The following FANCM variants were observed in gnomAD, a reference collection of about 807,000 sequenced individuals.
The protein encoded by FANCM is Fanconi anemia group M protein.
In FANCM, 140 loss-of-function variants were observed where a neutral mutation model predicts 199.5. The ratio of observed to expected loss-of-function variants is 0.70; its 90% confidence interval spans 0.61 to 0.81. The LOEUF is 0.81. FANCM is among the 30% of genes least tolerant of loss of function. FANCM has a pLI of 0.00. For missense variants in FANCM, 2,410 were observed against 2,421.4 expected (o/e 1.00, Z 0.10); for synonymous variants, 840 against 836.8 (o/e 1.00, Z -0.07).
chr14:45,169,952 T>G (rs575084860), intron 11 of FANCM, among the ~76,000 whole-genome samples: 133 of 152,264 alleles, frequency 8.7e-4, no homozygotes, highest in African/African-American at 3.1e-3. Context: ...CTTTTAAAAG[T>G]CTTGGCCTTT....
In FANCM at chr14:45,167,129, GC is replaced by G; in HGVS notation, c.1969del (p.Gln657SerfsTer13). On this transcript the variant is annotated frameshift_variant, in exon 11 of 23. Transcript: ENST00000267430. LOFTEE classifies it high-confidence loss of function. ...AACCAGAGAAGCCTTCTCGGAACTT[GC>G]AGCGAAAGTCATCTATCTTTTCCTA... Reference protein sequence around the residue: ...YEPEKPSRNLQRKSSIFSYRD... With the variant: ...YEPEKPSRNLXRKSSIFSYRD... 1 of 1,613,164 alleles carries G rather than the reference GC, an allele frequency of 6.2e-7. No homozygotes were observed.
At position 45,190,151 on chromosome 14, in the gene FANCM, T is replaced by A. The variant is rs113059739; in HGVS notation, c.5340+789T>A. ...TGCTAAGTAGTCCAGTTTTACTTTC[T>A]CCTATTGTGCTATTTCTAGAAGAAT... On this transcript the variant is annotated intron_variant, in intron 20 of 22. Coordinates refer to ENST00000267430, the MANE Select transcript of FANCM (RefSeq NM_020937.4). Among the ~76,000 whole-genome samples the A allele has an allele frequency of 9.0e-3, 1,369 of 152,276 alleles. 12 individuals carry two copies. Among genetic ancestry groups the A allele is most frequent in the Non-Finnish European group, 0.015 (1,033 of 68,018 alleles).
At chr14:45,142,175 T>C (rs948191897) in intron 3 of FANCM, among the ~76,000 whole-genome samples, 3 of 152,170 alleles carry the variant, frequency 2.0e-5, no homozygotes, top group African/African-American at 7.2e-5. Flanking sequence ...CAGTAACTAA[T>C]CTGCAGATCT....
Position 45,167,082 on chromosome 14 carries a change from T to G in FANCM, c.1921T>G (p.Phe641Val). ...DGINPKLHKM[F>V]ITHGVYEPEK... The stretch of plus-strand genomic sequence containing the variant: ...AATCAACCCAAAATTACACAAAATG[T>G]TCATCACACATGGTGTCTATGAACC... Residue 641 changes from phenylalanine (F) to valine (V), a missense_variant, in exon 11 of 23, where the codon TTC (phenylalanine) becomes GTC (valine). Coordinates refer to ENST00000267430, the MANE Select transcript of FANCM (RefSeq NM_020937.4). 6.2e-7 allele frequency: 1 copy of G among 1,613,758 alleles called. No homozygotes were observed. The highest frequency in any genetic ancestry group is 8.5e-7 in the Non-Finnish European group (1 of 1,179,710).
Position 45,136,541 on chromosome 14 carries a change from T to C in FANCM, c.508+2T>C. 6.2e-7 allele frequency: 1 copy of C among 1,613,012 alleles called. No individual in the cohort carries two copies. The highest frequency in any genetic ancestry group is 8.5e-7 in the Non-Finnish European group (1 of 1,179,906). On this transcript the variant is annotated splice_donor_variant, in intron 1 of 22. Coordinates refer to ENST00000267430, the MANE Select transcript of FANCM (RefSeq NM_020937.4). LOFTEE classifies it high-confidence loss of function. ...AATCCCACATGGCCGAAATGACAGG[T>C]ATCTTAGACTGGACTAATTTTGAAG...
At chr14:45,164,634 A>C in intron 10 of FANCM, 69 bp downstream of exon 10, 12 of 1,196,346 alleles carry the variant, frequency 1.0e-5, no homozygotes, top group Non-Finnish European at 1.5e-5. Flanking sequence ...GGTGAATATC[A>C]ACATGTTAGC....
At position 45,153,966 on chromosome 14, in the gene FANCM, GT is replaced by G; in HGVS notation, c.1100del (p.Leu367TyrfsTer13). On this transcript the variant is annotated frameshift_variant, in exon 6 of 23. Coordinates refer to ENST00000267430, the MANE Select transcript of FANCM (RefSeq NM_020937.4). LOFTEE classifies it high-confidence loss of function. Reference protein sequence around the residue: ...IIEGEFAICISLYHGYELLQQ... With the variant: ...IIEGEFAICIXLYHGYELLQQ... ...GAGGGAGAGTTTGCTATTTGTATTA[GT>G]TTATATCATGGTTATGAATTATTGC... The G allele has an allele frequency of 6.2e-7, 1 of 1,602,702 alleles. No homozygotes were observed. The highest frequency in any genetic ancestry group is 8.5e-7 in the Non-Finnish European group (1 of 1,169,710).
rs369301619 is a variant in FANCM at position 45,167,564 on chromosome 14, A to C, written c.2002+401A>C. 1.2e-4 allele frequency: 21 copies of C among 178,594 alleles called. 1 individual carries two copies. In the East Asian group the frequency reaches 2.7e-3, roughly 23 times the overall value. The allele number at this position is 178,594 out of a possible 1,614,324, so 11.1% of individuals were successfully genotyped here. On this transcript the variant is annotated intron_variant, in intron 11 of 22. Coordinates refer to ENST00000267430, the MANE Select transcript of FANCM (RefSeq NM_020937.4). ...CAAGCACTTAGAATCCTTTACATAC[A>C]TGTTGTCAATATTAATAGTAACTTG... is the stretch of plus-strand genomic sequence containing the variant.
intron 16 of FANCM, among the ~76,000 whole-genome samples, chr14:45,182,947 C>G (rs1889161327): frequency 6.6e-6 from 1 of 152,114 alleles, no homozygotes; most frequent in Non-Finnish European, 1.5e-5. Flanking sequence ...ATTAATAATA[C>G]TGTACTGAAA....
rs746039296 is a variant in FANCM, at chr14:45,198,680, A to G, written c.5753A>G (p.Tyr1918Cys). The G allele has an allele frequency of 7.4e-6, 12 of 1,613,526 alleles. No homozygotes were observed. In the African/African-American group the frequency reaches 9.3e-5, roughly 13 times the overall value. Residue 1918 changes from tyrosine (Y) to cysteine (C), a missense_variant, in exon 22 of 23, where the codon TAT (tyrosine) becomes TGT (cysteine). Coordinates refer to ENST00000267430, the MANE Select transcript of FANCM (RefSeq NM_020937.4). ...AGGATGTTTAGGAGAACAAAGAGCTATGACAGCCTGCTGACTACCTTAATT... is the reference window on the plus strand; with the variant it reads ...AGGATGTTTAGGAGAACAAAGAGCTGTGACAGCCTGCTGACTACCTTAATT... ...TSRMFRRTKS[Y>C]DSLLTTLIGA... is the part of the protein sequence containing the mutation.
intron 20 of FANCM, among the ~76,000 whole-genome samples, chr14:45,192,053 A>G (rs1889798990): frequency 6.6e-6 from 1 of 151,956 alleles, no homozygotes; most frequent in Non-Finnish European, 1.5e-5. Flanking sequence ...TAAAAATTAA[A>G]TATTAAATAT....
At chr14:45,150,902 A>G (rs901335170) in intron 4 of FANCM, among the ~76,000 whole-genome samples, 4 of 152,226 alleles carry the variant, frequency 2.6e-5, no homozygotes, top group African/African-American at 9.6e-5. Flanking sequence ...TGCCTGTTAC[A>G]TAGTAGATGG....
intron 12 of FANCM, among the ~76,000 whole-genome samples, chr14:45,171,344 A>G (rs964517323): frequency 1.3e-5 from 2 of 151,668 alleles, no homozygotes; most frequent in East Asian, 1.9e-4. Flanking sequence ...TTAAATTTCA[A>G]TAGTTTTTGA....
At position 45,136,136 on chromosome 14, in the gene FANCM, T is replaced by G; in HGVS notation, c.105T>G (p.Pro35=). Residue 35 remains proline (P), a synonymous_variant, in exon 1 of 23, where the codon CCT becomes CCG. Transcript: ENST00000267430. Reference sequence around the variant, plus strand: ...CCGGAACTGAGCGACCTCAGAGCCCTGGCAGCTCCAAGGCGCCTTTGCCAG... The same window carrying G: ...CCGGAACTGAGCGACCTCAGAGCCCGGGCAGCTCCAAGGCGCCTTTGCCAG... ...CSSGTERPQS[P]GSSKAPLPAA... 1 of 1,614,200 alleles carries G rather than the reference T, an allele frequency of 6.2e-7. No homozygotes were observed. The highest frequency in any genetic ancestry group is 8.5e-7 in the Non-Finnish European group (1 of 1,180,036).
chr14:45,136,590 A>G, intron 1 of FANCM, 51 bp downstream of exon 1: 1 of 1,564,536 alleles, frequency 6.4e-7, no homozygotes, highest in Non-Finnish European at 8.8e-7. Flanking sequence ...TTCCTGACCC[A>G]TGTGGAATAG....
chr14:45,183,734 T>G (rs1260004151), intron 16 of FANCM, 40 bp from the exon 17 acceptor site: 5 of 1,486,756 alleles, frequency 3.4e-6, no homozygotes, highest in Non-Finnish European at 4.7e-6. Context: ...AGGAAGAAAA[T>G]ATTTTTTTCT....
At position 45,175,891 on chromosome 14, in the gene FANCM, A is replaced by G. The variant is rs910679351; in HGVS notation, c.3137A>G (p.Gln1046Arg). Residue 1046 changes from glutamine to arginine, a missense_variant, in exon 14 of 23, where the codon CAA becomes CGA. Physicochemically the swap from Gln to Arg is conservative, Grantham distance 43 (BLOSUM62 1). Transcript: ENST00000267430. ...CTGTCACATTCAGCTGTGAATTCTC[A>G]ACAGAATTTAGAATTGAATTCACTT... Reference protein sequence around the residue: ...CLLSHSAVNSQQNLELNSLKC... With the variant: ...CLLSHSAVNSRQNLELNSLKC... 3 of 1,613,538 alleles carry G rather than the reference A, an allele frequency of 1.9e-6. No individual in the cohort carries two copies. The African/African-American group carries it at 4.0e-5, about 22-fold the overall frequency.
At chr14:45,196,114 G>A (rs1484328924) in intron 20 of FANCM, 58 bp from the exon 21 acceptor site, 16 of 1,589,826 alleles carry the variant, frequency 1.0e-5, no homozygotes, top group South Asian at 1.0e-4. Context: ...GGTGTGAGAC[G>A]TTTATGGCAT....
chr14:45,136,747 G>C (rs1885543404), intron 1 of FANCM, among the ~76,000 whole-genome samples: 1 of 152,170 alleles, frequency 6.6e-6, no homozygotes, highest in African/African-American at 2.4e-5. Flanking sequence ...GCTATTATGT[G>C]CGTATACCCC....
Sources: allele counts gnomAD v4.1 joint callset (sites outside exome capture counted in the v4.1 genomes callset), GRCh38; gene constraint gnomAD v4.1.1; transcripts MANE v1.5; gene names NCBI Gene and HGNC (gene_info 2026-07-23, HGNC 2026-07-21).